Variants in FBXL17 observed in about 807,000 individuals in gnomAD.
The protein encoded by FBXL17 is F-box/LRR-repeat protein 17.
Under a neutral mutation model 66.2 loss-of-function variants are expected in FBXL17, and 22 were observed. That is an observed-to-expected ratio of 0.33 (90% CI 0.24 to 0.47). The LOEUF (loss-of-function observed/expected upper bound fraction) is 0.47, where lower values mean the gene tolerates loss of function less well. Ranked by LOEUF, FBXL17 falls within the 20% of genes least tolerant of loss-of-function variation. The probability of loss-of-function intolerance (pLI) is 1.00; values close to 1 mark genes in which losing one functional copy is unlikely to be tolerated. For missense variants in FBXL17, 878 were observed against 948.2 expected (o/e 0.93, Z 0.97); for synonymous variants, 474 against 400.5 (o/e 1.18, Z -2.19).
intron 7 of FBXL17, among the ~76,000 whole-genome samples, chr5:107,996,481 A>T (rs1260598284): frequency 1.3e-5 from 2 of 152,004 alleles, no homozygotes; most frequent in Non-Finnish European, 2.9e-5. Context: ...TGTCTGGCTA[A>T]TTTTTGTATT....
intron 5 of FBXL17, among the ~76,000 whole-genome samples, chr5:108,222,471 AC>A (rs1460306373): frequency 2.0e-5 from 3 of 152,176 alleles, no homozygotes; most frequent in Non-Finnish European, 4.4e-5. Context: ...ATGTTCTGAT[AC>A]AGCAATAATT....
chr5:107,861,275 G>A lies in FBXL17; in HGVS notation c.*445C>T, dbSNP rs1865015. The A allele has an allele frequency of 0.28, 41,711 of 151,332 alleles. 7,442 individuals carry two copies. Among genetic ancestry groups the A allele is most frequent in the African/African-American group, 0.5 (20,469 of 41,278 alleles). The allele number at this position is 151,332 out of a possible 1,614,324, so 9.4% of individuals were successfully genotyped here. ...GATGTGCACACGTGTGAATATGTGA[G>A]AGAGTGTAAGTGCCTGTACGTATAA... On this transcript the variant is annotated 3_prime_UTR_variant, in exon 9 of 9. Coordinates refer to ENST00000542267, the MANE Select transcript of FBXL17 (RefSeq NM_001163315.3).
chr5:108,345,595 T>C (rs959974178), intron 4 of FBXL17, among the ~76,000 whole-genome samples: 1 of 150,282 alleles, frequency 6.7e-6, no homozygotes, highest in Non-Finnish European at 1.5e-5. Context: ...TTATTTTAAA[T>C]AACTTAAGAA....
In FBXL17 at chr5:108,178,303, C is replaced by T. The variant is rs985329383; in HGVS notation, c.1745+7814G>A. On this transcript the variant is annotated intron_variant, in intron 6 of 8. Coordinates refer to ENST00000542267, the MANE Select transcript of FBXL17 (RefSeq NM_001163315.3). ...GCTCAAGTAGTCCACCCTCCTTGGC[C>T]TCCCAAAGTGCTGAGATAAGAGGTG... Among the ~76,000 whole-genome samples the T allele has an allele frequency of 3.3e-5, 5 of 152,092 alleles. No homozygotes were observed. In the South Asian group the frequency reaches 6.2e-4, roughly 19 times the overall value.
At chr5:108,063,158 C>A (rs1180422907) in intron 6 of FBXL17, among the ~76,000 whole-genome samples, 2 of 152,034 alleles carry the variant, frequency 1.3e-5, no homozygotes, top group Non-Finnish European at 2.9e-5. Context: ...GTTAAAACTT[C>A]TGTAACCTCT....
At chr5:108,072,474 C>G (rs1057040303) in intron 6 of FBXL17, among the ~76,000 whole-genome samples, 2 of 152,116 alleles carry the variant, frequency 1.3e-5, no homozygotes, top group African/African-American at 4.8e-5. Context: ...GAGGCTGAGG[C>G]GGGTGGATCA....
chr5:108,222,675 T>A (rs992328785), intron 5 of FBXL17, among the ~76,000 whole-genome samples: 1 of 132,472 alleles, frequency 7.5e-6, no homozygotes. Context: ...ATGGCATCTT[T>A]TTTTTTTTTT....
intron 7 of FBXL17, among the ~76,000 whole-genome samples, chr5:107,958,659 G>A (rs1751763648): frequency 6.6e-6 from 1 of 152,140 alleles, no homozygotes; most frequent in African/African-American, 2.4e-5. Flanking sequence ...AAGTGAACAT[G>A]TATATAGGTG....
chr5:108,313,875 T>C (rs187026256), intron 4 of FBXL17, among the ~76,000 whole-genome samples: 36 of 151,962 alleles, frequency 2.4e-4, no homozygotes, highest in African/African-American at 8.2e-4. Context: ...AAGGTTTACA[T>C]GGCAAAAAGA....
chr5:108,198,266 T>C (rs1348978826), intron 5 of FBXL17, among the ~76,000 whole-genome samples: 1 of 152,114 alleles, frequency 6.6e-6, no homozygotes, highest in Non-Finnish European at 1.5e-5. Context: ...GTCGTTTTTA[T>C]GATAAAAAAT....
At chr5:108,374,334 T>C (rs1213133683) in intron 1 of FBXL17, among the ~76,000 whole-genome samples, 1 of 152,140 alleles carries the variant, frequency 6.6e-6, no homozygotes, top group East Asian at 1.9e-4. Context: ...AATATTAAGC[T>C]CATACAAAGT....
intron 6 of FBXL17, among the ~76,000 whole-genome samples, chr5:108,042,115 G>A (rs961349673): frequency 4.6e-5 from 7 of 152,056 alleles, no homozygotes; most frequent in East Asian, 1.9e-4. Context: ...GGCTGGTCTC[G>A]AACTCCTGAC....
intron 4 of FBXL17, among the ~76,000 whole-genome samples, chr5:108,242,938 CT>C (rs1755927046): frequency 1.3e-5 from 2 of 152,098 alleles, no homozygotes; most frequent in African/African-American, 4.8e-5. Context: ...TTTACCACAG[CT>C]TTATAAAAAC....
At chr5:107,900,814 C>G (rs115846875) in intron 7 of FBXL17, among the ~76,000 whole-genome samples, 1 of 151,938 alleles carries the variant, frequency 6.6e-6, no homozygotes, top group Non-Finnish European at 1.5e-5. Context: ...AAAGCGAACC[C>G]TATAAAAGGA....
intron 6 of FBXL17, among the ~76,000 whole-genome samples, chr5:108,130,459 T>C (rs1750887517): frequency 6.6e-6 from 1 of 151,932 alleles, no homozygotes; most frequent in Admixed American, 6.6e-5. Flanking sequence ...GAATAAGATG[T>C]CAGGGGCTGT....
intron 7 of FBXL17, among the ~76,000 whole-genome samples, chr5:107,886,716 C>T (rs1411202321): frequency 6.6e-6 from 1 of 152,062 alleles, no homozygotes; most frequent in African/African-American, 2.4e-5. Flanking sequence ...TAAGTATCCA[C>T]AAGTCCATAC....
intron 8 of FBXL17, chr5:107,880,665 C>G (rs556340046): frequency 5.0e-6 from 6 of 1,206,908 alleles, no homozygotes; most frequent in Non-Finnish European, 6.2e-6. Context: ...TTTACTGTTG[C>G]TGGAAACTTG....
At chr5:107,876,284 G>T (rs751506376) in intron 8 of FBXL17, among the ~76,000 whole-genome samples, 1 of 152,004 alleles carries the variant, frequency 6.6e-6, no homozygotes, top group Admixed American at 6.5e-5. Context: ...CCTCAATAAC[G>T]CTCTTTAATG....
intron 7 of FBXL17, among the ~76,000 whole-genome samples, chr5:107,980,801 C>A (rs1048407897): frequency 2.0e-5 from 3 of 149,270 alleles, no homozygotes; most frequent in Non-Finnish European, 4.4e-5. Flanking sequence ...GGACTACAGG[C>A]ACCCACCACC....
Sources: allele counts gnomAD v4.1 joint callset (sites outside exome capture counted in the v4.1 genomes callset), GRCh38; gene constraint gnomAD v4.1.1; transcripts MANE v1.5; gene names NCBI Gene and HGNC (gene_info 2026-07-23, HGNC 2026-07-21).